The following GALNT13 variants were observed in gnomAD, a reference collection of about 807,000 sequenced individuals.
GALNT13 encodes polypeptide N-acetylgalactosaminyltransferase 13.
GALNT13 carries 28 observed loss-of-function variants against 64.2 expected under a neutral mutation model. The ratio of observed to expected loss-of-function variants is 0.44; its 90% CI spans 0.32 to 0.60. The LOEUF (loss-of-function observed/expected upper bound fraction) is 0.60, where lower values mean the gene tolerates loss of function less well. GALNT13 is among the 20% of genes least tolerant of loss of function. The pLI is 0.05. For missense variants in GALNT13, 577 were observed against 669.8 expected, an observed-to-expected ratio of 0.86 and a Z score of 1.53; for synonymous variants, 214 against 224.6, an observed-to-expected ratio of 0.95 and a Z score of 0.42.
chr2:153,994,856 C>T (rs905668737), intron 3 of GALNT13, among the ~76,000 whole-genome samples: 1 of 151,954 alleles, frequency 6.6e-6, no homozygotes, highest in South Asian at 2.1e-4. Flanking sequence ...AATTTTCTCC[C>T]ATTCTGTAGG....
the GALNT13 span, among the ~76,000 whole-genome samples, chr2:153,674,411 G>C: frequency 6.6e-6 from 1 of 151,912 alleles, no homozygotes; most frequent in African/African-American, 2.4e-5. Context: ...ATCTACAACC[G>C]TCTGATCTTT....
chr2:153,409,274 A>ATATATATATATATGAATATGTATG, the GALNT13 span, among the ~76,000 whole-genome samples: 2 of 136,442 alleles, frequency 1.5e-5, no homozygotes, highest in African/African-American at 3.0e-5. Context: ...ACTCCCTTTC[A>ATATATATATATATGAATATGTATG]TATATATATA....
intron 9 of GALNT13, among the ~76,000 whole-genome samples, chr2:154,383,648 A>T (rs2105336585): frequency 6.6e-6 from 1 of 152,090 alleles, no homozygotes; most frequent in East Asian, 1.9e-4. Flanking sequence ...AATGCTGACT[A>T]AATACAGACT....
At chr2:153,965,100 G>A (rs1030406291) in intron 3 of GALNT13, among the ~76,000 whole-genome samples, 1 of 152,070 alleles carries the variant, frequency 6.6e-6, no homozygotes, top group Non-Finnish European at 1.5e-5. Context: ...TATTTATGAG[G>A]TACATGTGAT....
the GALNT13 span, among the ~76,000 whole-genome samples, chr2:153,739,133 A>C: frequency 6.6e-6 from 1 of 152,072 alleles, no homozygotes; most frequent in Non-Finnish European, 1.5e-5. Flanking sequence ...ATGTGTTTAT[A>C]ACTTTTAAAT....
intron 9 of GALNT13, among the ~76,000 whole-genome samples, chr2:154,324,959 T>C (rs1420904784): frequency 6.6e-6 from 1 of 152,140 alleles, no homozygotes; most frequent in Non-Finnish European, 1.5e-5. Context: ...TGTCTCACCC[T>C]GTTAATAAGT....
At chr2:153,904,797 A>G (rs1448740166) in intron 2 of GALNT13, among the ~76,000 whole-genome samples, 2 of 151,788 alleles carry the variant, frequency 1.3e-5, no homozygotes, top group Non-Finnish European at 2.9e-5. Flanking sequence ...TAATCATTAT[A>G]TCACCTCATT....
intron 3 of GALNT13, among the ~76,000 whole-genome samples, chr2:154,040,724 A>G (rs1014853543): frequency 7.1e-6 from 1 of 140,672 alleles, no homozygotes; most frequent in African/African-American, 2.4e-5. Context: ...TTTCTATATC[A>G]GAATGGTTAG....
At chr2:154,390,166 C>T (rs535841463) in intron 9 of GALNT13, among the ~76,000 whole-genome samples, 59 of 152,248 alleles carry the variant, frequency 3.9e-4, no homozygotes, top group Non-Finnish European at 7.2e-4. Flanking sequence ...AAATTTAAAA[C>T]ATGATTTCTC....
At chr2:153,936,139 G>T (rs1415328603) in intron 2 of GALNT13, among the ~76,000 whole-genome samples, 2 of 152,184 alleles carry the variant, frequency 1.3e-5, no homozygotes, top group African/African-American at 2.4e-5. Flanking sequence ...AGTAACCTTG[G>T]ATTGAAAATA....
chr2:153,920,191 G>A (rs370734227), intron 2 of GALNT13, among the ~76,000 whole-genome samples: 1 of 151,690 alleles, frequency 6.6e-6, no homozygotes. Context: ...CATCAATTAC[G>A]ATTATAGTTT....
intron 2 of GALNT13, among the ~76,000 whole-genome samples, chr2:153,912,534 G>C (rs768244167): frequency 6.6e-6 from 1 of 151,966 alleles, no homozygotes; most frequent in Non-Finnish European, 1.5e-5. Flanking sequence ...CATCTTTGTG[G>C]GTCTGCTGTT....
At chr2:153,452,935 A>T in the GALNT13 span, among the ~76,000 whole-genome samples, 256 of 152,308 alleles carry the variant, frequency 1.7e-3, 6 homozygotes, top group East Asian at 0.034. Flanking sequence ...CATACAGATA[A>T]ATGGCACAGA....
At chr2:153,820,509 A>G in the GALNT13 span, among the ~76,000 whole-genome samples, 1 of 152,198 alleles carries the variant, frequency 6.6e-6, no homozygotes, top group African/African-American at 2.4e-5. Context: ...AGGGAACACC[A>G]TTAGACTAAC....
chr2:154,306,898 A>G (rs1017309107), intron 9 of GALNT13, among the ~76,000 whole-genome samples: 2 of 152,070 alleles, frequency 1.3e-5, no homozygotes, highest in African/African-American at 4.8e-5. Context: ...TGACTCCTAA[A>G]CCATAATTTT....
At chr2:153,073,259 G>A in the GALNT13 span, among the ~76,000 whole-genome samples, 1 of 151,582 alleles carries the variant, frequency 6.6e-6, no homozygotes, top group Non-Finnish European at 1.5e-5. Context: ...CCTCCTGTGT[G>A]GTTTTCATTG....
At chr2:153,894,459 T>C (rs1687760830) in intron 1 of GALNT13, among the ~76,000 whole-genome samples, 1 of 151,230 alleles carries the variant, frequency 6.6e-6, no homozygotes, top group African/African-American at 2.4e-5. Flanking sequence ...TTCTGATTTG[T>C]CATGCCTGTG....
the GALNT13 span, among the ~76,000 whole-genome samples, chr2:153,707,618 C>G: frequency 6.6e-6 from 1 of 152,212 alleles, no homozygotes; most frequent in Non-Finnish European, 1.5e-5. Context: ...TACAAGCTCA[C>G]TTGAGAGAGT....
chr2:154,144,103 T>G (rs1683427529), intron 4 of GALNT13, among the ~76,000 whole-genome samples: 1 of 152,050 alleles, frequency 6.6e-6, no homozygotes, highest in African/African-American at 2.4e-5. Flanking sequence ...ATAATATTAA[T>G]GAAAAAACTT....
Sources: allele counts gnomAD v4.1 joint callset (sites outside exome capture counted in the v4.1 genomes callset), GRCh38; gene constraint gnomAD v4.1.1; transcripts MANE v1.5; gene names NCBI Gene and HGNC (gene_info 2026-07-23, HGNC 2026-07-21).